The following ANO6 variants were observed in gnomAD, a reference collection of about 807,000 sequenced individuals.
The protein encoded by ANO6 is anoctamin 6, also known as anoctamin-6.
A neutral mutation model predicts 117.5 loss-of-function variants in ANO6; 106 were observed. That is an observed-to-expected ratio of 0.90 (90% CI 0.77 to 1.06). ANO6 has a LOEUF of 1.06. Ranked by LOEUF, ANO6 falls within the 50% of genes least tolerant of loss-of-function variation. The probability of loss-of-function intolerance (pLI) is 0.00; values close to 1 mark genes in which losing one functional copy is unlikely to be tolerated. For missense variants in ANO6, 955 were observed against 1,121.1 expected (o/e 0.85, Z 2.12); for synonymous variants, 367 against 385.1 (o/e 0.95, Z 0.55).
chr12:45,300,524 C>T lies in ANO6; in HGVS notation c.71-1490C>T, dbSNP rs546820647. On this transcript the variant is annotated intron_variant, in intron 1 of 19. Transcript: ENST00000320560. Reference sequence around the variant, plus strand: ...TATACTTATTCCATACTCAAACTCTCCAGTTTTGAAAAATAAGTCCTTTAT... The same window carrying T: ...TATACTTATTCCATACTCAAACTCTTCAGTTTTGAAAAATAAGTCCTTTAT... Among the ~76,000 whole-genome samples, 5 of 152,212 alleles carry T rather than the reference C, an allele frequency of 3.3e-5. 1 individual carries two copies. The highest frequency in any genetic ancestry group is 1.2e-4 in the African/African-American group (5 of 41,538).
intron 12 of ANO6, among the ~76,000 whole-genome samples, chr12:45,392,903 A>C (rs1339493946): frequency 1.3e-5 from 2 of 152,242 alleles, no homozygotes; most frequent in Admixed American, 6.5e-5. Context: ...ACCAGCAGAA[A>C]AGCTGAAAAT....
chr12:45,282,483 A>G (rs1477883210), intron 1 of ANO6, among the ~76,000 whole-genome samples: 1 of 152,228 alleles, frequency 6.6e-6, no homozygotes, highest in Admixed American at 6.5e-5. Flanking sequence ...AGAGTCTTCA[A>G]AAGAAGTCGT....
At chr12:45,290,971 C>T (rs566927215) in intron 1 of ANO6, among the ~76,000 whole-genome samples, 2 of 152,158 alleles carry the variant, frequency 1.3e-5, no homozygotes, top group South Asian at 4.2e-4. Context: ...ATCAAGAGTC[C>T]AGAAATAAAC....
chr12:45,258,389 T>G (rs1000112845), intron 1 of ANO6, among the ~76,000 whole-genome samples: 3 of 152,198 alleles, frequency 2.0e-5, no homozygotes, highest in Non-Finnish European at 2.9e-5. Context: ...GTTTGTCGTC[T>G]TCTTGCCTTT....
At chr12:45,218,258 A>G (rs1947345579) in intron 1 of ANO6, among the ~76,000 whole-genome samples, 1 of 152,024 alleles carries the variant, frequency 6.6e-6, no homozygotes, top group African/African-American at 2.4e-5. Flanking sequence ...TCATCTCAAC[A>G]TATTTTACGT....
At chr12:45,406,761 A>G (rs1942945572) in intron 15 of ANO6, among the ~76,000 whole-genome samples, 1 of 152,196 alleles carries the variant, frequency 6.6e-6, no homozygotes, top group Non-Finnish European at 1.5e-5. Context: ...AGATTCAGAT[A>G]GTGAAGGATG....
At chr12:45,305,350 T>C (rs1345210182) in intron 2 of ANO6, among the ~76,000 whole-genome samples, 5 of 152,214 alleles carry the variant, frequency 3.3e-5, no homozygotes, top group African/African-American at 4.8e-5. Context: ...GAAATCTGTT[T>C]TATAACTCGT....
At chr12:45,316,827 A>T (rs1055500813) in intron 2 of ANO6, among the ~76,000 whole-genome samples, 1 of 151,106 alleles carries the variant, frequency 6.6e-6, no homozygotes, top group African/African-American at 2.4e-5. Context: ...AAAATGGTAT[A>T]AAAAAGCAGT....
intron 15 of ANO6, among the ~76,000 whole-genome samples, chr12:45,403,886 C>T (rs556129728): frequency 6.6e-6 from 1 of 152,256 alleles, no homozygotes; most frequent in African/African-American, 2.4e-5. Context: ...TTCTTATATC[C>T]TCATATCCTT....
chr12:45,414,064 T>C (rs1012030358), intron 16 of ANO6, among the ~76,000 whole-genome samples: 1 of 151,996 alleles, frequency 6.6e-6, no homozygotes, highest in Admixed American at 6.6e-5. Flanking sequence ...ATGCAGCCAC[T>C]GGCAAAGTTA....
intron 1 of ANO6, among the ~76,000 whole-genome samples, chr12:45,281,749 A>G (rs1592913017): frequency 1.3e-5 from 2 of 152,230 alleles, no homozygotes; most frequent in African/African-American, 2.4e-5. Flanking sequence ...ATTCCCCATT[A>G]CAGAAATAAC....
intron 1 of ANO6, among the ~76,000 whole-genome samples, chr12:45,231,623 A>C (rs1947575583): frequency 6.6e-6 from 1 of 152,216 alleles, no homozygotes; most frequent in South Asian, 2.1e-4. Flanking sequence ...TTAGAATTGC[A>C]GTTCTCGTTG....
intron 16 of ANO6, among the ~76,000 whole-genome samples, chr12:45,413,779 G>A (rs1943146838): frequency 6.7e-6 from 1 of 149,796 alleles, no homozygotes; most frequent in South Asian, 2.1e-4. Context: ...GGGGAAGAAA[G>A]GAAGAGCCAG....
chr12:45,282,044 GGGGATGCGGAA>G lies in ANO6; in HGVS notation c.71-19965_71-19955del, dbSNP rs137899203. Among the ~76,000 whole-genome samples the G allele has an allele frequency of 9.6e-3, 1,457 of 152,238 alleles. 24 individuals carry two copies. The highest frequency in any genetic ancestry group is 0.033 in the African/African-American group (1,371 of 41,554). ...ATAGGAGAGTGAATGTTTGGCTGTGGGGGATGCGGAAGGGAGGCTAGTCAAGGATGACAACC... is the reference window on the plus strand; with the variant it reads ...ATAGGAGAGTGAATGTTTGGCTGTGGGGGAGGCTAGTCAAGGATGACAACC... On this transcript the variant is annotated intron_variant, in intron 1 of 19. Transcript: ENST00000320560.
Position 45,404,348 on chromosome 12 carries a change from C to G in ANO6, c.1880+812C>G, listed in dbSNP as rs552732281. ...CACTATCAAAGTGTAAAGTCCAACACCATCTGCAATTTCTGCAAATTTCAG... is the reference window on the plus strand; with the variant it reads ...CACTATCAAAGTGTAAAGTCCAACAGCATCTGCAATTTCTGCAAATTTCAG... On this transcript the variant is annotated intron_variant, in intron 15 of 19. Coordinates refer to ENST00000320560, the MANE Select transcript of ANO6 (RefSeq NM_001025356.3). Among the ~76,000 whole-genome samples the G allele has an allele frequency of 2.9e-4, 44 of 152,256 alleles. 1 individual carries two copies. The highest frequency in any genetic ancestry group is 6.8e-3 in the Middle Eastern group (2 of 294).
intron 17 of ANO6, among the ~76,000 whole-genome samples, chr12:45,417,964 T>C (rs1055507155): frequency 1.3e-5 from 2 of 152,210 alleles, no homozygotes; most frequent in African/African-American, 4.8e-5. Flanking sequence ...CCCTATTTTA[T>C]TATTTGTAAA....
intron 10 of ANO6, among the ~76,000 whole-genome samples, chr12:45,384,029 A>T (rs1254543107): frequency 2.0e-5 from 3 of 152,234 alleles, no homozygotes; most frequent in African/African-American, 7.2e-5. Flanking sequence ...GGCTACCTTC[A>T]TCAATGATCT....
rs71093880 is a variant in ANO6 at position 45,432,222 on chromosome 12, A to AAAGTT, written c.*2912_*2916dup. ...TTTCACACATTGTGGCATAAGATGT[A>AAAGTT]AAGTTTGTAATTAATGTTAATTTCT... On this transcript the variant is annotated 3_prime_UTR_variant, in exon 20 of 20. Transcript: ENST00000320560. 41,932 of 979,220 alleles carry AAAGTT rather than the reference A, an allele frequency of 0.043. 1,633 individuals are homozygous for AAAGTT. The highest frequency in any genetic ancestry group is 0.29 in the East Asian group (2,516 of 8,642). The allele number at this position is 979,220 out of a possible 1,614,324, so 60.7% of individuals were successfully genotyped here.
At chr12:45,385,850 A>G (rs1457956194) in intron 10 of ANO6, among the ~76,000 whole-genome samples, 1 of 152,214 alleles carries the variant, frequency 6.6e-6, no homozygotes, top group Admixed American at 6.5e-5. Flanking sequence ...GTAGTAGTCA[A>G]AACAAACACT....
Sources: gnomAD v4.1 joint callset for allele counts (sites outside exome capture counted in the v4.1 genomes callset) on GRCh38, gnomAD v4.1.1 for gene constraint, MANE v1.5 for transcripts, NCBI Gene and HGNC (gene_info 2026-07-23, HGNC 2026-07-21) for gene names.